Variants in PDE4DIP observed in about 807,000 individuals in gnomAD.
The protein encoded by PDE4DIP is myomegalin.
A neutral mutation model predicts 221.4 loss-of-function variants in PDE4DIP; 59 were observed. That is an observed-to-expected ratio of 0.27 (90% CI 0.22 to 0.33). PDE4DIP has a LOEUF of 0.33. Among genes scored for constraint, PDE4DIP ranks in the 10% least tolerant of loss-of-function variants. The pLI, the probability that PDE4DIP is intolerant of heterozygous loss-of-function variation, is 1.00. For missense variants in PDE4DIP, 1,036 were observed against 2,154.2 expected, an observed-to-expected ratio of 0.48 and a Z score of 10.28; for synonymous variants, 404 against 815.9, an observed-to-expected ratio of 0.50 and a Z score of 8.60.
intron 34 of PDE4DIP, 37 bp downstream of exon 37, chr1:149,017,916 T>G (rs587593781): frequency 6.6e-7 from 1 of 1,507,146 alleles, no homozygotes; most frequent in South Asian, 1.1e-5. Context: ...TCTGGCTCTA[T>G]TTAGGGACTT....
chr1:148,978,017 G>A, exon 18 of PDE4DIP: 2 of 1,614,042 alleles, frequency 1.2e-6, no homozygotes, highest in Non-Finnish European at 1.7e-6. Context: ...TGGAGTCTCT[G>A]ACCAGGAACA....
At chr1:148,866,614 G>A (rs1176670850) in intron 2 of PDE4DIP, 7 of 41,784 alleles carry the variant, frequency 1.7e-4, no homozygotes, top group East Asian at 1.2e-3. Context: ...GGAAGGGAGG[G>A]AGGGAGGGAG....
intron 1 of PDE4DIP, among the ~76,000 whole-genome samples, chr1:148,820,797 T>A (rs1438382852): frequency 6.8e-6 from 1 of 148,050 alleles, no homozygotes; most frequent in African/African-American, 2.5e-5. Context: ...CCGAGCTAAA[T>A]GATAATCTTG....
At chr1:148,940,681 T>C (rs1324632372) in intron 5 of PDE4DIP, among the ~76,000 whole-genome samples, 1 of 151,620 alleles carries the variant, frequency 6.6e-6, no homozygotes, top group Non-Finnish European at 1.5e-5. Context: ...GTTGGAAAGC[T>C]CTGCCACAGG....
At chr1:148,930,066 T>A (rs1396118574) in intron 2 of PDE4DIP, 1 of 151,594 alleles carries the variant, frequency 6.6e-6, no homozygotes, top group Non-Finnish European at 1.5e-5. Context: ...GACTTGATAT[T>A]TTTCTTTATA....
At chr1:148,969,482 G>T (rs587650839) in intron 14 of PDE4DIP, among the ~76,000 whole-genome samples, 54 of 151,392 alleles carry the variant, frequency 3.6e-4, no homozygotes, top group Admixed American at 3.5e-3. Flanking sequence ...AGGAGTAGGG[G>T]TTGTGAGTGT....
intron 1 of PDE4DIP, among the ~76,000 whole-genome samples, chr1:148,919,664 A>G (rs1464884015): frequency 8.6e-5 from 13 of 151,882 alleles, no homozygotes; most frequent in African/African-American, 2.9e-4. Context: ...CCTAGAAGAG[A>G]TAAGATTCTA....
intron 27 of PDE4DIP, chr1:149,006,301 T>A (rs1213868984): frequency 6.6e-6 from 1 of 152,154 alleles, no homozygotes; most frequent in African/African-American, 2.4e-5. Context: ...ATAACCACTC[T>A]AAAACTTAGT....
rs1489605216 is a variant in PDE4DIP, at chr1:148,892,293, C to T, written c.141+2399C>T. Among the ~76,000 whole-genome samples the T allele has an allele frequency of 1.1e-4, 14 of 122,948 alleles. 3 individuals carry two copies. Among genetic ancestry groups the T allele is most frequent in the Non-Finnish European group, 1.6e-4 (10 of 61,118 alleles). 80.7% of individuals were successfully genotyped at this position (122,948 alleles called of 152,430 possible). A position where few individuals can be genotyped will look rare whatever the true frequency, so the allele number is the denominator to read the frequency against. On this transcript the variant is annotated intron_variant, in intron 1 of 43. Coordinates refer to ENST00000369354, the Ensembl canonical transcript of PDE4DIP. ...TACAGGCGTGAGCCACTGCGCCCCA[C>T]CAGGATTTTTTTTTTTTTTAAAGCT...
At chr1:149,000,775 C>T (rs2065463231) in intron 23 of PDE4DIP, among the ~76,000 whole-genome samples, 1 of 151,102 alleles carries the variant, frequency 6.6e-6, no homozygotes, top group Non-Finnish European at 1.5e-5. Flanking sequence ...TAAGCATCTG[C>T]TAACTCTACT....
In PDE4DIP at chr1:148,979,794, C is replaced by T; in HGVS notation, c.2632C>T (p.Gln878Ter). ...ACGGAGTCGGCTCAATGAGGCCTTA[C>T]AAGCAGAGAGACAGCTCTATAGCAG... Residue 878 changes from glutamine (Q) to a stop codon, truncating the protein, a stop_gained, in exon 20 of 44, where the codon CAA (glutamine) becomes TAA (stop). Transcript: ENST00000369354. LOFTEE classifies it high-confidence loss of function. 6.2e-7 allele frequency: 1 copy of T among 1,613,716 alleles called. No homozygotes were observed. Among genetic ancestry groups the T allele is most frequent in the Non-Finnish European group, 8.5e-7 (1 of 1,179,746 alleles).
At chr1:148,948,222 T>G (rs1442024538) in intron 5 of PDE4DIP, among the ~76,000 whole-genome samples, 1 of 151,826 alleles carries the variant, frequency 6.6e-6, no homozygotes, top group African/African-American at 2.4e-5. Context: ...AATATGAAGC[T>G]TATTCTCAAA....
exon 33 of PDE4DIP, chr1:149,016,405 G>C (rs782798988): frequency 3.4e-6 from 4 of 1,187,530 alleles, no homozygotes; most frequent in Non-Finnish European, 5.0e-6. Context: ...CTCCTCCAAG[G>C]GGCACCATAG....
At chr1:148,999,838 A>T (rs2065195362) in intron 23 of PDE4DIP, among the ~76,000 whole-genome samples, 1 of 152,080 alleles carries the variant, frequency 6.6e-6, no homozygotes, top group African/African-American at 2.4e-5. Context: ...CTACAGAATC[A>T]CTTATACTGT....
At chr1:148,934,572 A>C (rs1369942193) in intron 4 of PDE4DIP, among the ~76,000 whole-genome samples, 1 of 152,150 alleles carries the variant, frequency 6.6e-6, no homozygotes, top group Non-Finnish European at 1.5e-5. Flanking sequence ...ATTGCAGTTT[A>C]CATTTGTATA....
Position 148,966,453 on chromosome 1 carries a change from GT to G in PDE4DIP, c.1354-80del, listed in dbSNP as rs782476532. On this transcript the variant is annotated intron_variant, in intron 10 of 43. Transcript: ENST00000369354. Reference sequence around the variant, plus strand: ...CTTTTGAGGAGAGTGATCACATCTTGTTTTTTTTTTATCCTGAATAACTAGC... The same window carrying G: ...CTTTTGAGGAGAGTGATCACATCTTGTTTTTTTTTATCCTGAATAACTAGC... The G allele has an allele frequency of 2.3e-3, 1,168 of 518,070 alleles. 1 individual carries two copies. The highest frequency in any genetic ancestry group is 2.5e-3 in the Non-Finnish European group (730 of 288,326). The allele number at this position is 518,070 out of a possible 1,614,324, so 32.1% of individuals were successfully genotyped here. A position where few individuals can be genotyped will look rare whatever the true frequency, so the allele number is the denominator to read the frequency against.
At chr1:149,031,988 C>G (rs1553638660) in exon 44 of PDE4DIP, 1 of 1,610,054 alleles carries the variant, frequency 6.2e-7, no homozygotes, top group Non-Finnish European at 8.5e-7. Flanking sequence ...CCTTGTGACC[C>G]TTGCCTTCCA....
chr1:149,006,394 G>A (rs2067052040), intron 27 of PDE4DIP: 1 of 152,136 alleles, frequency 6.6e-6, no homozygotes, highest in African/African-American at 2.4e-5. Flanking sequence ...AGGGTCTCTT[G>A]TTTTGGGTCC....
chr1:148,971,106 G>C (rs1699792), intron 14 of PDE4DIP, among the ~76,000 whole-genome samples: 1 of 152,198 alleles, frequency 6.6e-6, no homozygotes, highest in Non-Finnish European at 1.5e-5. Flanking sequence ...CTTTCCCTTA[G>C]TGTGTCATCA....
Sources: gnomAD v4.1 joint callset for allele counts (sites outside exome capture counted in the v4.1 genomes callset) on GRCh38, gnomAD v4.1.1 for gene constraint, MANE v1.5 for transcripts, NCBI Gene and HGNC (gene_info 2026-07-23, HGNC 2026-07-21) for gene names.